Variants in GRIK1 observed in about 807,000 individuals in gnomAD.
GRIK1 encodes glutamate ionotropic receptor kainate type subunit 1.
Under a neutral mutation model 105.7 loss-of-function variants are expected in GRIK1, and 69 were observed. The observed-to-expected ratio is 0.65, with a 90% CI of 0.54 to 0.80. The LOEUF is 0.80. GRIK1 is among the 30% of genes least tolerant of loss of function. The pLI is 0.00. For synonymous variants in GRIK1, 438 were observed against 431.3 expected (o/e 1.02, Z -0.19); for missense variants, 1,109 against 1,167.3 (o/e 0.95, Z 0.73).
At chr21:29,750,561 A>C (rs956824312) in intron 1 of GRIK1, among the ~76,000 whole-genome samples, 2 of 152,156 alleles carry the variant, frequency 1.3e-5, no homozygotes, top group Non-Finnish European at 2.9e-5. Flanking sequence ...TTTGTCTTGA[A>C]CTACTGATTG....
In GRIK1 at chr21:29,801,108, A is replaced by G. The variant is rs2066696611; in HGVS notation, c.119-107045T>C. Among the ~76,000 whole-genome samples, 3 of 152,014 alleles carry G rather than the reference A, an allele frequency of 2.0e-5. 1 individual carries two copies. The South Asian group carries it at 6.2e-4, about 32-fold the overall frequency. On this transcript the variant is annotated intron_variant, in intron 1 of 17. Coordinates refer to ENST00000327783, the MANE Select transcript of GRIK1 (RefSeq NM_001330994.2). ...TGTTGAGTACCTTGTTGAAGACCACATGGTTGACTAGGGACAGAAATGAGC... is the reference window on the plus strand; with the variant it reads ...TGTTGAGTACCTTGTTGAAGACCACGTGGTTGACTAGGGACAGAAATGAGC...
intron 1 of GRIK1, among the ~76,000 whole-genome samples, chr21:29,908,639 A>T (rs1274230824): frequency 2.0e-5 from 3 of 152,228 alleles, no homozygotes; most frequent in Admixed American, 6.5e-5. Context: ...TTTGTATTTC[A>T]TGATGTCTGG....
At chr21:29,769,759 G>A (rs977141903) in intron 1 of GRIK1, among the ~76,000 whole-genome samples, 1 of 152,082 alleles carries the variant, frequency 6.6e-6, no homozygotes, top group African/African-American at 2.4e-5. Flanking sequence ...CTAGAAGCTA[G>A]GAGGGAGACC....
intron 1 of GRIK1, among the ~76,000 whole-genome samples, chr21:29,765,068 TTTAAAAGATCATGACCTC>T (rs1188188662): frequency 4.6e-5 from 7 of 152,222 alleles, no homozygotes; most frequent in Non-Finnish European, 1.0e-4. Flanking sequence ...ATATATTTCC[TTTAAAAGATCATGACCTC>T]TTTGCATTTC....
chr21:29,677,307 A>G (rs910189486), intron 3 of GRIK1, among the ~76,000 whole-genome samples: 1 of 152,254 alleles, frequency 6.6e-6, no homozygotes, highest in Non-Finnish European at 1.5e-5. Flanking sequence ...ATAAAATCAT[A>G]TCATAAAAGC....
rs146361768 is a variant in GRIK1 at position 29,650,858 on chromosome 21, A to G, written c.954+260T>C. On this transcript the variant is annotated intron_variant, in intron 6 of 17. Coordinates refer to ENST00000327783, the MANE Select transcript of GRIK1 (RefSeq NM_001330994.2). ...TAAAATGCTCTTCACTTGTCCTTGC[A>G]CTGGTTTGGCTGATAATGGTGATTA... is the stretch of plus-strand genomic sequence containing the variant. Among the ~76,000 whole-genome samples, 336 of 152,224 alleles carry G rather than the reference A, an allele frequency of 2.2e-3. 2 individuals are homozygous for G. Among genetic ancestry groups the G allele is most frequent in the African/African-American group, 7.6e-3 (314 of 41,548 alleles).
chr21:29,570,072 C>T (rs185452073), intron 14 of GRIK1, among the ~76,000 whole-genome samples: 1 of 152,272 alleles, frequency 6.6e-6, no homozygotes, highest in East Asian at 1.9e-4. Context: ...GAAGGAAATC[C>T]TGTACTGTTC....
chr21:29,844,298 C>G, intron 1 of GRIK1, among the ~76,000 whole-genome samples: 1 of 152,050 alleles, frequency 6.6e-6, no homozygotes, highest in East Asian at 1.9e-4. Context: ...TCAGTGCTAC[C>G]AAATATCTGA....
In GRIK1 at chr21:29,569,507, T is replaced by C. The variant is rs116223884; in HGVS notation, c.2130+7457A>G. ...GTCCAGATCTCCAACAAAAACACTT[T>C]CCTGTAGGTTTTACTTTATATCCCA... On this transcript the variant is annotated intron_variant, in intron 14 of 17. Coordinates refer to ENST00000327783, the MANE Select transcript of GRIK1 (RefSeq NM_001330994.2). 8.5e-3 allele frequency among the ~76,000 whole-genome samples: 1,298 copies of C among 152,258 alleles called. 19 individuals are homozygous for C. Among genetic ancestry groups the C allele is most frequent in the African/African-American group, 0.03 (1,240 of 41,542 alleles).
chr21:29,895,824 A>G (rs1362471950), intron 1 of GRIK1, among the ~76,000 whole-genome samples: 1 of 152,196 alleles, frequency 6.6e-6, no homozygotes, highest in Non-Finnish European at 1.5e-5. Flanking sequence ...ACCTTCTCTT[A>G]GCCTCGGGTT....
intron 1 of GRIK1, among the ~76,000 whole-genome samples, chr21:29,744,268 A>G (rs2064998015): frequency 6.6e-6 from 1 of 152,210 alleles, no homozygotes; most frequent in Admixed American, 6.5e-5. Flanking sequence ...GGAAACTTAG[A>G]AAACTTTTTC....
At chr21:29,707,424 TTCCCTTCCTCCCTCCCTCCCTCCC>T (rs1568997502) in intron 1 of GRIK1, among the ~76,000 whole-genome samples, 2 of 15,188 alleles carry the variant, frequency 1.3e-4, no homozygotes, top group African/African-American at 4.9e-4. Context: ...CTTTCTTTCT[TTCCCTTCCTCCCTCCCTCCCTCCC>T]TCCCTCCCTC....
chr21:29,838,538 C>T (rs1451041024), intron 1 of GRIK1, among the ~76,000 whole-genome samples: 1 of 152,158 alleles, frequency 6.6e-6, no homozygotes, highest in African/African-American at 2.4e-5. Context: ...AGTTCTGGCT[C>T]CTAGTTTAAC....
At chr21:29,657,769 T>A (rs1411387961) in intron 4 of GRIK1, 1 of 152,260 alleles carries the variant, frequency 6.6e-6, no homozygotes, top group Non-Finnish European at 1.5e-5. Flanking sequence ...TTTAAGCAGC[T>A]GAGACCAGTA....
chr21:29,705,722 C>A (rs1169316483), intron 1 of GRIK1, among the ~76,000 whole-genome samples: 1 of 152,126 alleles, frequency 6.6e-6, no homozygotes, highest in Non-Finnish European at 1.5e-5. Flanking sequence ...ACAAAAATAC[C>A]TAAGCATTAA....
chr21:29,868,892 G>A (rs2146125540), intron 1 of GRIK1, among the ~76,000 whole-genome samples: 1 of 152,214 alleles, frequency 6.6e-6, no homozygotes, highest in South Asian at 2.1e-4. Flanking sequence ...CTCAAAATGA[G>A]GCCTGAAAAA....
At chr21:29,697,475 A>AT (rs536241353) in intron 1 of GRIK1, among the ~76,000 whole-genome samples, 110 of 150,926 alleles carry the variant, frequency 7.3e-4, no homozygotes, top group Middle Eastern at 3.5e-3. Flanking sequence ...TTTCAGAGCA[A>AT]TTTTTTTTTC....
At position 29,555,196 on chromosome 21, in the gene GRIK1, C is replaced by T; in HGVS notation, c.2463G>A (p.Glu821=). ...GGGCACTGGCTTCTTTGTTGTCTTC[C>T]TCGGGGCAGCCATTCCCACGCCACC... is the stretch of plus-strand genomic sequence containing the variant. The part of the protein sequence containing the change: ...EKWWRGNGCP[E]EDNKEASALG... Residue 821 remains glutamate (E), a synonymous_variant, in exon 16 of 18, where the codon GAG becomes GAA. Transcript: ENST00000327783. 1 of 1,613,902 alleles carries T rather than the reference C, an allele frequency of 6.2e-7. No individual in the cohort carries two copies.
At chr21:29,725,790 T>C (rs1204495828) in intron 1 of GRIK1, among the ~76,000 whole-genome samples, 2 of 152,188 alleles carry the variant, frequency 1.3e-5, no homozygotes, top group Non-Finnish European at 1.5e-5. Flanking sequence ...ACTTGAGGAC[T>C]TCAAAATAAA....
Sources: gnomAD v4.1 joint callset for allele counts (sites outside exome capture counted in the v4.1 genomes callset) on GRCh38, gnomAD v4.1.1 for gene constraint, MANE v1.5 for transcripts, NCBI Gene and HGNC (gene_info 2026-07-23, HGNC 2026-07-21) for gene names.